Variants in LRRC7 observed in about 807,000 individuals in gnomAD.
The protein encoded by LRRC7 is leucine-rich repeat-containing protein 7.
LRRC7 carries 23 observed loss-of-function variants against 175.7 expected under a neutral mutation model. That is an observed-to-expected ratio of 0.13 (90% CI 0.09 to 0.19). LRRC7 has a LOEUF of 0.19. Ranked by LOEUF, LRRC7 falls within the 10% of genes least tolerant of loss-of-function variation. The pLI, the probability that LRRC7 is intolerant of heterozygous loss-of-function variation, is 1.00. For synonymous variants in LRRC7, 685 were observed against 680.9 expected, an observed-to-expected ratio of 1.01 and a Z score of -0.09; for missense variants, 1,354 against 1,904.7, an observed-to-expected ratio of 0.71 and a Z score of 5.38.
chr1:70,104,318 A>T (rs553085753), intron 25 of LRRC7, among the ~76,000 whole-genome samples: 29 of 152,348 alleles, frequency 1.9e-4, no homozygotes, highest in Non-Finnish European at 4.1e-4. Context: ...ATCAATGTTC[A>T]TCATAAAAGA....
intron 7 of LRRC7, among the ~76,000 whole-genome samples, chr1:69,873,068 G>T (rs139265931): frequency 1.3e-5 from 2 of 152,066 alleles, no homozygotes; most frequent in Non-Finnish European, 2.9e-5. Context: ...AACAGTATGC[G>T]TTAATCATGC....
At chr1:69,763,056 A>T (rs1337463477) in intron 3 of LRRC7, among the ~76,000 whole-genome samples, 1 of 152,036 alleles carries the variant, frequency 6.6e-6, no homozygotes, top group Non-Finnish European at 1.5e-5. Context: ...CAGTACATAG[A>T]TGTATTTGTG....
Position 70,124,083 on chromosome 1 carries a change from A to G in LRRC7, c.*2196A>G, listed in dbSNP as rs1472351060. ...TGATGTGACAACATTGTCCTGAGCC[A>G]CTTCTTTAGTACTTCCTGTTCTGCA... is the stretch of plus-strand genomic sequence containing the variant. On this transcript the variant is annotated 3_prime_UTR_variant, in exon 27 of 27. Transcript: ENST00000651989. Among the ~76,000 whole-genome samples the G allele has an allele frequency of 6.6e-6, 1 of 152,210 alleles. No homozygotes were observed. Among genetic ancestry groups the G allele is most frequent in the Non-Finnish European group, 1.5e-5 (1 of 68,032 alleles).
intron 23 of LRRC7, among the ~76,000 whole-genome samples, chr1:70,068,460 A>T (rs749245611): frequency 2.0e-5 from 3 of 152,176 alleles, no homozygotes; most frequent in Non-Finnish European, 4.4e-5. Context: ...TCTCTTGGTC[A>T]TGGTATATCA....
intron 24 of LRRC7, 89 bp downstream of exon 24, chr1:70,076,387 A>G: frequency 8.9e-7 from 1 of 1,118,788 alleles, no homozygotes; most frequent in Non-Finnish European, 1.3e-6. Flanking sequence ...AATGTGGTCC[A>G]GGACACAATG....
At chr1:69,722,106 A>G (rs1399864200) in intron 2 of LRRC7, among the ~76,000 whole-genome samples, 1 of 151,114 alleles carries the variant, frequency 6.6e-6, no homozygotes, top group African/African-American at 2.4e-5. Context: ...AAATTTCCAG[A>G]AATAGTTTTC....
intron 25 of LRRC7, among the ~76,000 whole-genome samples, chr1:70,090,295 A>G (rs1452689589): frequency 1.3e-5 from 2 of 152,172 alleles, no homozygotes; most frequent in African/African-American, 4.8e-5. Flanking sequence ...TTTTGCTAAT[A>G]GAACTGTAGA....
At chr1:69,702,721 A>G (rs1332896196) in intron 2 of LRRC7, among the ~76,000 whole-genome samples, 1 of 152,140 alleles carries the variant, frequency 6.6e-6, no homozygotes, top group African/African-American at 2.4e-5. Flanking sequence ...AAAGACAAAT[A>G]TAAATGATGG....
At chr1:69,608,860 CTCTCTCTATATATATATATA>C (rs1294594951) in intron 1 of LRRC7, among the ~76,000 whole-genome samples, 12 of 23,448 alleles carry the variant, frequency 5.1e-4, no homozygotes, top group South Asian at 1.5e-3. Context: ...CTCTCTCTCT[CTCTCTCTATATATATATATA>C]TATATATATA....
rs371459187 is a variant in LRRC7, at chr1:70,062,847, A to C, written c.4230+9702A>C. Among the ~76,000 whole-genome samples, 10 of 152,080 alleles carry C rather than the reference A, an allele frequency of 6.6e-5. No individual in the cohort carries two copies. In the East Asian group the frequency reaches 1.9e-3, roughly 29 times the overall value. On this transcript the variant is annotated intron_variant, in intron 23 of 26. Coordinates refer to ENST00000651989, the MANE Select transcript of LRRC7 (RefSeq NM_001370785.2). ...CATAGGTGTTTTTAAAGCTTACTCTATTTCTATTGTTATTAGATTTGTTCT... is the reference window on the plus strand; with the variant it reads ...CATAGGTGTTTTTAAAGCTTACTCTCTTTCTATTGTTATTAGATTTGTTCT...
At chr1:70,121,694 G>C in intron 26 of LRRC7, 86 bp from the exon 27 acceptor site, 1 of 839,064 alleles carries the variant, frequency 1.2e-6, no homozygotes, top group East Asian at 2.6e-5. Flanking sequence ...TTGTTGCTCA[G>C]TGCTCCCGTG....
At chr1:69,653,308 T>C (rs1024436194) in intron 1 of LRRC7, among the ~76,000 whole-genome samples, 8 of 151,954 alleles carry the variant, frequency 5.3e-5, no homozygotes, top group African/African-American at 1.7e-4. Context: ...TTTATTATTA[T>C]ACTTTAAGTT....
At chr1:69,861,963 C>T (rs1684405640) in intron 7 of LRRC7, among the ~76,000 whole-genome samples, 1 of 152,146 alleles carries the variant, frequency 6.6e-6, no homozygotes, top group South Asian at 2.1e-4. Context: ...GTAAGTTTAT[C>T]AGGTCAAATT....
At chr1:69,848,796 A>G (rs748876208) in intron 7 of LRRC7, among the ~76,000 whole-genome samples, 4 of 152,092 alleles carry the variant, frequency 2.6e-5, no homozygotes, top group Non-Finnish European at 4.4e-5. Flanking sequence ...TGTGACATTT[A>G]AGATAAGTGG....
intron 4 of LRRC7, among the ~76,000 whole-genome samples, chr1:69,821,828 G>C (rs759459910): frequency 6.6e-6 from 1 of 152,064 alleles, no homozygotes; most frequent in South Asian, 2.1e-4. Context: ...CTGGGAGGTG[G>C]TGGTTGCAGT....
chr1:69,674,726 A>C (rs1659548150), intron 1 of LRRC7, among the ~76,000 whole-genome samples: 1 of 152,142 alleles, frequency 6.6e-6, no homozygotes, highest in African/African-American at 2.4e-5. Context: ...ATCTATAAAA[A>C]TTGGCCACTT....
At chr1:69,872,315 T>A (rs1557835445) in intron 7 of LRRC7, among the ~76,000 whole-genome samples, 1 of 152,028 alleles carries the variant, frequency 6.6e-6, no homozygotes. Flanking sequence ...GGGGAGAAAC[T>A]TAAAGTAGAG....
chr1:69,877,704 C>T (rs750083025), intron 7 of LRRC7, among the ~76,000 whole-genome samples: 28 of 152,148 alleles, frequency 1.8e-4, no homozygotes, highest in Non-Finnish European at 1.5e-4. Flanking sequence ...AACTACTAAA[C>T]TGCTTTCTGT....
chr1:69,913,661 A>T (rs1190381784), intron 7 of LRRC7, among the ~76,000 whole-genome samples: 1 of 152,024 alleles, frequency 6.6e-6, no homozygotes, highest in Non-Finnish European at 1.5e-5. Flanking sequence ...ACAGGCACCC[A>T]TGACCACGCC....
Sources: gnomAD v4.1 joint callset for allele counts (sites outside exome capture counted in the v4.1 genomes callset) on GRCh38, gnomAD v4.1.1 for gene constraint, MANE v1.5 for transcripts, NCBI Gene and HGNC (gene_info 2026-07-23, HGNC 2026-07-21) for gene names.